The following UBR7 variants were observed in gnomAD, a reference collection of about 807,000 sequenced individuals.
The protein encoded by UBR7 is putative E3 ubiquitin-protein ligase UBR7.
In UBR7, 22 loss-of-function variants were observed where a neutral mutation model predicts 57.0. The ratio of observed to expected loss-of-function variants is 0.39; its 90% CI spans 0.28 to 0.55. UBR7 has a LOEUF of 0.55. Ranked by LOEUF, UBR7 falls within the 20% of genes least tolerant of loss-of-function variation. UBR7 has a pLI of 0.69. For missense variants in UBR7, 395 were observed against 513.2 expected, an observed-to-expected ratio of 0.77 and a Z score of 2.23; for synonymous variants, 167 against 179.8, an observed-to-expected ratio of 0.93 and a Z score of 0.57.
chr14:93,221,555 G>A (rs867588546), intron 9 of UBR7, among the ~76,000 whole-genome samples: 5 of 151,960 alleles, frequency 3.3e-5, no homozygotes, highest in East Asian at 3.9e-4. Context: ...GCACCTGGCC[G>A]TGTCTTTTAT....
intron 7 of UBR7, 41 bp from the exon 8 acceptor site, chr14:93,219,171 G>T (rs1325471278): frequency 2.5e-6 from 4 of 1,601,048 alleles, no homozygotes; most frequent in Non-Finnish European, 3.4e-6. Context: ...GAAAACTATG[G>T]TAGTTTAAAA....
At chr14:93,214,609 A>T (rs1894554441) in intron 4 of UBR7, among the ~76,000 whole-genome samples, 1 of 152,218 alleles carries the variant, frequency 6.6e-6, no homozygotes, top group African/African-American at 2.4e-5. Context: ...AATACAACTG[A>T]ATATTGTATT....
intron 1 of UBR7, 39 bp downstream of exon 1, chr14:93,207,480 G>T: frequency 6.6e-7 from 1 of 1,512,680 alleles, no homozygotes. Flanking sequence ...CCCGGCTCCC[G>T]CCGAACCTCC....
chr14:93,218,411 TAAAA>T (rs11441325), intron 6 of UBR7, 112 bp from the exon 7 acceptor site: 3 of 812,242 alleles, frequency 3.7e-6, no homozygotes, highest in Non-Finnish European at 5.7e-6. Flanking sequence ...ACTCTGTCTG[TAAAA>T]AAAAAAAATA....
chr14:93,222,852 CAG>C (rs1894738403), intron 10 of UBR7, among the ~76,000 whole-genome samples: 1 of 152,080 alleles, frequency 6.6e-6, no homozygotes, highest in Admixed American at 6.5e-5. Context: ...AGTGAAACAT[CAG>C]AGTTACATTG....
At chr14:93,223,661 T>C in intron 10 of UBR7, 1 of 1,384,618 alleles carries the variant, frequency 7.2e-7, no homozygotes, top group Non-Finnish European at 1.0e-6. Context: ...CAGGACCCGG[T>C]GGGGCAGCGG....
At chr14:93,223,870 G>A (rs1486404766) in intron 10 of UBR7, 8 of 740,554 alleles carry the variant, frequency 1.1e-5, no homozygotes, top group East Asian at 2.5e-5. Context: ...TGTTGGGGGC[G>A]CCGCTCCGGG....
At chr14:93,222,742 C>CAA (rs60856068) in intron 10 of UBR7, among the ~76,000 whole-genome samples, 107 of 138,818 alleles carry the variant, frequency 7.7e-4, no homozygotes, top group African/African-American at 2.8e-3. Context: ...GACCCTATTT[C>CAA]AAAAAAAAAA....
chr14:93,215,074 T>A (rs951886694), intron 5 of UBR7, 92 bp downstream of exon 5: 17 of 1,413,944 alleles, frequency 1.2e-5, no homozygotes, highest in Non-Finnish European at 1.6e-5. Flanking sequence ...AAAAATAAAT[T>A]CTAATGATAT....
chr14:93,228,446 C>T lies in UBR7; in HGVS notation c.*1411C>T. On this transcript the variant is annotated 3_prime_UTR_variant, in exon 11 of 11. Coordinates refer to ENST00000013070, the MANE Select transcript of UBR7 (RefSeq NM_175748.4). ...TGTATATTAATACTCCTTATGTGTC[C>T]AGCATCTGTGTATTCATTCGAGTGC... The T allele has an allele frequency of 2.2e-6, 1 of 454,100 alleles. No homozygotes were observed. Among genetic ancestry groups the T allele is most frequent in the Non-Finnish European group, 4.4e-6 (1 of 226,792 alleles). 28.1% of individuals were successfully genotyped at this position (454,100 alleles called of 1,614,324 possible). A position where few individuals can be genotyped will look rare whatever the true frequency, so the allele number is the denominator to read the frequency against.
chr14:93,212,583 T>G (rs573284902), intron 4 of UBR7, among the ~76,000 whole-genome samples: 7 of 152,218 alleles, frequency 4.6e-5, no homozygotes, highest in African/African-American at 1.7e-4. Flanking sequence ...TTAACACTTT[T>G]GGTGTGTATA....
chr14:93,217,708 C>T (rs574476524), intron 6 of UBR7, among the ~76,000 whole-genome samples: 1 of 152,268 alleles, frequency 6.6e-6, no homozygotes, highest in East Asian at 1.9e-4. Flanking sequence ...GCAGACATAA[C>T]CTAAAGAAGC....
intron 10 of UBR7, among the ~76,000 whole-genome samples, chr14:93,224,545 T>C (rs572996322): frequency 1.3e-5 from 2 of 151,700 alleles, no homozygotes; most frequent in South Asian, 4.2e-4. Flanking sequence ...GCCCGGCTAA[T>C]GTTTTGTATT....
intron 3 of UBR7, among the ~76,000 whole-genome samples, chr14:93,211,821 A>C (rs575496545): frequency 1.3e-5 from 2 of 151,000 alleles, no homozygotes; most frequent in East Asian, 3.9e-4. Flanking sequence ...AATTACCACA[A>C]AAAAAAACAA....
chr14:93,209,817 CT>C lies in UBR7; in HGVS notation c.151-4del. The C allele has an allele frequency of 1.2e-6, 2 of 1,613,404 alleles. No homozygotes were observed. The highest frequency in any genetic ancestry group is 1.7e-6 in the Non-Finnish European group (2 of 1,179,624). On this transcript the variant is annotated splice_polypyrimidine_tract_variant and splice_region_variant and intron_variant, in intron 1 of 10. Coordinates refer to ENST00000013070, the MANE Select transcript of UBR7 (RefSeq NM_175748.4). ...TTAATTCTCTTTTCCATTTTGGGGG[CT>C]TTCAGGGCTCAGTAAAGAGACAAGC...
At chr14:93,211,808 C>T (rs1894489849) in intron 3 of UBR7, among the ~76,000 whole-genome samples, 3 of 151,198 alleles carry the variant, frequency 2.0e-5, no homozygotes, top group African/African-American at 7.3e-5. Context: ...TTTAATTTCT[C>T]CTAATTACCA....
rs770280477 is a variant in UBR7, at chr14:93,207,315, T to C, written c.24T>C (p.Ala8=). 3 of 1,557,640 alleles carry C rather than the reference T, an allele frequency of 1.9e-6. No homozygotes were observed. The highest frequency in any genetic ancestry group is 2.4e-5 in the South Asian group (2 of 84,674). ...GGATGGCCGGAGCCGAGGGCGCCGC[T>C]GGGCGGCAGTCGGAGCTGGAGCCCG... MAGAEGA[A]GRQSELEPVV... Residue 8 remains alanine, a synonymous_variant, in exon 1 of 11, where the codon GCT becomes GCC. Coordinates refer to ENST00000013070, the MANE Select transcript of UBR7 (RefSeq NM_175748.4).
intron 1 of UBR7, among the ~76,000 whole-genome samples, chr14:93,209,248 G>T (rs1263394): frequency 0.36 from 55,233 of 152,062 alleles, 10,607 homozygotes; most frequent in South Asian, 0.46. Context: ...TACTTCAGCA[G>T]GCATCTCCTA....
At chr14:93,214,847 G>C in intron 4 of UBR7, 82 bp from the exon 5 acceptor site, 1 of 1,214,400 alleles carries the variant, frequency 8.2e-7, no homozygotes, top group Non-Finnish European at 1.2e-6. Context: ...CAAATATTTA[G>C]TATCTTATTT....
Sources: gnomAD v4.1 joint callset for allele counts (sites outside exome capture counted in the v4.1 genomes callset) on GRCh38, gnomAD v4.1.1 for gene constraint, MANE v1.5 for transcripts, NCBI Gene and HGNC (gene_info 2026-07-23, HGNC 2026-07-21) for gene names.